Variants in THSD4 observed in about 807,000 individuals in gnomAD.
THSD4 encodes thrombospondin type 1 domain containing 4, also known as thrombospondin type-1 domain-containing protein 4.
Under a neutral mutation model 119.0 loss-of-function variants are expected in THSD4, and 69 were observed. That is an observed-to-expected ratio of 0.58 (90% CI 0.48 to 0.71). The LOEUF (loss-of-function observed/expected upper bound fraction) is 0.71. THSD4 is among the 30% of genes least tolerant of loss of function. THSD4 has a pLI of 0.00. For missense variants in THSD4, 1,393 were observed against 1,391.1 expected, an observed-to-expected ratio of 1.00 and a Z score of -0.02; for synonymous variants, 524 against 540.4, an observed-to-expected ratio of 0.97 and a Z score of 0.42.
chr15:71,607,655 G>A (rs933097789), intron 7 of THSD4, among the ~76,000 whole-genome samples: 5 of 152,186 alleles, frequency 3.3e-5, no homozygotes, highest in South Asian at 2.1e-4. Flanking sequence ...CCTTAGAGCC[G>A]TACTGAGTAG....
At chr15:71,641,965 C>T (rs1005653763) in intron 7 of THSD4, among the ~76,000 whole-genome samples, 1 of 152,154 alleles carries the variant, frequency 6.6e-6, no homozygotes, top group African/African-American at 2.4e-5. Flanking sequence ...TAGGCAAATA[C>T]ATAAAACCAA....
At chr15:71,553,536 A>G (rs2048965990) in intron 7 of THSD4, among the ~76,000 whole-genome samples, 1 of 152,148 alleles carries the variant, frequency 6.6e-6, no homozygotes, top group South Asian at 2.1e-4. Context: ...CATGTTGGCC[A>G]GGCTGGTCTC....
chr15:71,206,722 C>G (rs947598628), intron 3 of THSD4, among the ~76,000 whole-genome samples: 2 of 152,122 alleles, frequency 1.3e-5, no homozygotes, highest in African/African-American at 4.8e-5. Context: ...TTACTGGTGG[C>G]GATGAGAAAT....
chr15:71,101,627 T>G (rs1212911681), intron 1 of THSD4, among the ~76,000 whole-genome samples: 1 of 152,248 alleles, frequency 6.6e-6, no homozygotes, highest in African/African-American at 2.4e-5. Flanking sequence ...ATTTTCTTAC[T>G]TTATCTGAGA....
At chr15:71,098,558 C>T in intron 1 of THSD4, among the ~76,000 whole-genome samples, 1 of 152,112 alleles carries the variant, frequency 6.6e-6, no homozygotes, top group Non-Finnish European at 1.5e-5. Flanking sequence ...GCCACTGCAC[C>T]TGGCCCCACA....
chr15:71,228,324 C>T (rs1052063601), intron 4 of THSD4, among the ~76,000 whole-genome samples: 15 of 152,068 alleles, frequency 9.9e-5, no homozygotes, highest in Admixed American at 2.6e-4. Flanking sequence ...TGCTGGCGGC[C>T]GCCAGAAGCT....
In THSD4 at chr15:71,411,590, A is replaced by C. The variant is rs1026368251; in HGVS notation, c.1016-97A>C. ...ATTTTGTGTTATACAAATTTTTCTC[A>C]ATAAAAATTATAGGAAGAAAAAAGG... On this transcript the variant is annotated intron_variant, in intron 6 of 17. Transcript: ENST00000261862. The C allele has an allele frequency of 4.9e-5, 67 of 1,358,412 alleles. No individual in the cohort carries two copies. The Admixed American group carries it at 1.6e-3, about 32-fold the overall frequency. 84.1% of individuals were successfully genotyped at this position (1,358,412 alleles called of 1,614,324 possible).
intron 7 of THSD4, among the ~76,000 whole-genome samples, chr15:71,435,310 G>A (rs73441506): frequency 0.091 from 13,860 of 152,050 alleles, 708 homozygotes; most frequent in African/African-American, 0.14. Context: ...TTCCTCAAAG[G>A]CTCCAAAGCA....
chr15:71,137,175 G>A (rs2040559133), intron 1 of THSD4, among the ~76,000 whole-genome samples: 1 of 152,074 alleles, frequency 6.6e-6, no homozygotes, highest in Non-Finnish European at 1.5e-5. Flanking sequence ...ATCAACAGGA[G>A]CAAACCTCAA....
Position 71,721,976 on chromosome 15 carries a change from C to CAAAAA in THSD4, c.1358-6565_1358-6561dup, listed in dbSNP as rs3086728. On this transcript the variant is annotated intron_variant, in intron 8 of 17. Coordinates refer to ENST00000261862, the MANE Select transcript of THSD4 (RefSeq NM_024817.3). ...TGGGTGACAGAGTGAGTCCCTGTCT[C>CAAAAA]AAAAAAAAAAAAGGAATAAAACCCA... Among the ~76,000 whole-genome samples the CAAAAA allele has an allele frequency of 1.4e-3, 197 of 141,662 alleles. 1 individual carries two copies. The highest frequency in any genetic ancestry group is 6.9e-3 in the South Asian group (31 of 4,462). 92.9% of individuals were successfully genotyped at this position (141,662 alleles called of 152,430 possible). A position where few individuals can be genotyped will look rare whatever the true frequency, so the allele number is the denominator to read the frequency against.
intron 6 of THSD4, among the ~76,000 whole-genome samples, chr15:71,279,795 AAC>A (rs2140312536): frequency 6.6e-6 from 1 of 152,126 alleles, no homozygotes; most frequent in South Asian, 2.1e-4. Flanking sequence ...AAAAAAAAAA[AAC>A]ACAAAGATTG....
chr15:71,215,198 G>T lies in THSD4; in HGVS notation c.263G>T (p.Arg88Leu). The part of the protein sequence containing the change: ...RPCLPRSYRL[R>L]GGQRPGAPAR... The stretch of plus-strand genomic sequence containing the variant: ...TGCCTGCCCCGCTCCTACCGCCTGC[G>T]CGGCGGCCAGCGGCCTGGCGCCCCT... Residue 88 changes from arginine to leucine, a missense_variant, in exon 4 of 18, where the codon CGC becomes CTC. Transcript: ENST00000261862. The T allele has an allele frequency of 7.4e-7, 1 of 1,355,980 alleles. No individual in the cohort carries two copies. The highest frequency in any genetic ancestry group is 9.4e-7 in the Non-Finnish European group (1 of 1,058,862). The allele number at this position is 1,355,980 out of a possible 1,614,324, so 84.0% of individuals were successfully genotyped here.
chr15:71,522,276 T>C lies in THSD4; in HGVS notation c.1152+110453T>C, dbSNP rs148517147. ...TGTGTACTTTATTTACCTTTCCAAA[T>C]GTTACTATTATTATTAATATTATTA... On this transcript the variant is annotated intron_variant, in intron 7 of 17. Coordinates refer to ENST00000261862, the MANE Select transcript of THSD4 (RefSeq NM_024817.3). 3.2e-3 allele frequency among the ~76,000 whole-genome samples: 493 copies of C among 152,280 alleles called. 2 individuals carry two copies. The highest frequency in any genetic ancestry group is 0.011 in the African/African-American group (446 of 41,560).
intron 3 of THSD4, among the ~76,000 whole-genome samples, chr15:71,201,254 G>A (rs1375770547): frequency 1.3e-5 from 2 of 152,124 alleles, no homozygotes; most frequent in Non-Finnish European, 2.9e-5. Flanking sequence ...TGGTACTTCT[G>A]CTCACCAATA....
chr15:71,694,547 T>C (rs1275800792), intron 8 of THSD4, among the ~76,000 whole-genome samples: 1 of 152,218 alleles, frequency 6.6e-6, no homozygotes, highest in Non-Finnish European at 1.5e-5. Context: ...ATTGAAATAA[T>C]TGGGAATTCA....
chr15:71,340,224 C>T (rs544686857), intron 6 of THSD4, among the ~76,000 whole-genome samples: 6 of 152,182 alleles, frequency 3.9e-5, no homozygotes, highest in Non-Finnish European at 7.3e-5. Context: ...TACACCTGCT[C>T]CTTGGCATAT....
intron 8 of THSD4, among the ~76,000 whole-genome samples, chr15:71,687,515 G>T (rs974279406): frequency 1.3e-5 from 2 of 152,104 alleles, no homozygotes; most frequent in African/African-American, 2.4e-5. Flanking sequence ...CAGCACTTTG[G>T]GGGGCCAAGG....
intron 6 of THSD4, among the ~76,000 whole-genome samples, chr15:71,301,229 C>T (rs2044944933): frequency 6.6e-6 from 1 of 152,158 alleles, no homozygotes; most frequent in African/African-American, 2.4e-5. Context: ...TTGTTCTACA[C>T]ATTATTTAAT....
At chr15:71,695,945 G>A (rs936703587) in intron 8 of THSD4, among the ~76,000 whole-genome samples, 6 of 152,278 alleles carry the variant, frequency 3.9e-5, no homozygotes, top group African/African-American at 1.4e-4. Flanking sequence ...TCTGTAAAAT[G>A]TAAATAGCAG....
Sources: gnomAD v4.1 joint callset for allele counts (sites outside exome capture counted in the v4.1 genomes callset) on GRCh38, gnomAD v4.1.1 for gene constraint, MANE v1.5 for transcripts, NCBI Gene and HGNC (gene_info 2026-07-23, HGNC 2026-07-21) for gene names.